TACR3: variants seen among roughly 807,000 people sequenced by gnomAD.
TACR3 encodes the protein neuromedin-K receptor.
TACR3 carries 34 observed loss-of-function variants against 35.0 expected under a neutral mutation model. The ratio of observed to expected loss-of-function variants is 0.97; its 90% CI spans 0.74 to 1.30. The LOEUF is 1.30. TACR3 is among the 50% of genes most tolerant of loss of function. The pLI is 0.00. For synonymous variants in TACR3, 233 were observed against 221.1 expected (o/e 1.05, Z -0.48); for missense variants, 558 against 591.7 (o/e 0.94, Z 0.59).
chr4:103,632,401 GGA>G (rs1725087600), intron 3 of TACR3, among the ~76,000 whole-genome samples: 1 of 152,104 alleles, frequency 6.6e-6, no homozygotes, highest in African/African-American at 2.4e-5. Flanking sequence ...GGTTGAAGCT[GGA>G]AGCCATCATG....
At chr4:103,713,365 T>G (rs1379479090) in intron 1 of TACR3, among the ~76,000 whole-genome samples, 2 of 150,506 alleles carry the variant, frequency 1.3e-5, no homozygotes, top group Non-Finnish European at 2.9e-5. Context: ...AGCGAACTAT[T>G]GCAATGACAA....
chr4:103,639,401 T>G (rs1427238101), intron 3 of TACR3, among the ~76,000 whole-genome samples: 6 of 150,800 alleles, frequency 4.0e-5, no homozygotes, highest in Non-Finnish European at 7.4e-5. Context: ...TGAGAACACA[T>G]GGACACAGGA....
At position 103,656,298 on chromosome 4, in the gene TACR3, T is replaced by C. The variant is rs1023821281; in HGVS notation, c.784A>G (p.Ile262Val). 3 of 1,612,692 alleles carry C rather than the reference T, an allele frequency of 1.9e-6. No individual in the cohort carries two copies. Among genetic ancestry groups the C allele is most frequent in the African/African-American group, 2.7e-5 (2 of 74,834 alleles). ...ACAATGGTGTATGTAATACCCATGATGAGCAATGGGAAACAGTACACCAGT... is the reference window on the plus strand; with the variant it reads ...ACAATGGTGTATGTAATACCCATGACGAGCAATGGGAAACAGTACACCAGT... Reference protein sequence around the residue: ...IILVYCFPLLIMGITYTIVGI... With the variant: ...IILVYCFPLLVMGITYTIVGI... The change falls in exon 3 of 5, where the codon ATC (isoleucine) becomes GTC (valine). Residue 262 changes from isoleucine to valine, a missense_variant. Coordinates refer to ENST00000304883, the MANE Select transcript of TACR3 (RefSeq NM_001059.3).
intron 3 of TACR3, among the ~76,000 whole-genome samples, chr4:103,598,153 T>A (rs1470559421): frequency 6.6e-6 from 1 of 152,200 alleles, no homozygotes; most frequent in Non-Finnish European, 1.5e-5. Flanking sequence ...TTCTAACTGG[T>A]GTGAGATGGT....
intron 3 of TACR3, among the ~76,000 whole-genome samples, chr4:103,653,323 A>T (rs1379547404): frequency 3.3e-5 from 5 of 152,036 alleles, no homozygotes; most frequent in African/African-American, 1.2e-4. Flanking sequence ...TAAAAAAAAA[A>T]TCCCTCTTCC....
intron 3 of TACR3, among the ~76,000 whole-genome samples, chr4:103,633,838 T>C (rs781150758): frequency 6.6e-6 from 1 of 152,146 alleles, no homozygotes; most frequent in Non-Finnish European, 1.5e-5. Context: ...GTTGCATTTG[T>C]TCTGTTTTAT....
chr4:103,636,141 G>C (rs1339488118), intron 3 of TACR3, among the ~76,000 whole-genome samples: 2 of 151,902 alleles, frequency 1.3e-5, no homozygotes, highest in Non-Finnish European at 2.9e-5. Flanking sequence ...ATTACTCTCA[G>C]TATGCTTTAG....
rs868326281 is a variant in TACR3 at position 103,591,684 on chromosome 4, C to T, written c.889-1G>A. On this transcript the variant is annotated splice_acceptor_variant, in intron 3 of 4. Transcript: ENST00000304883. LOFTEE classifies it high-confidence loss of function. ...CAACAATAATCATCATTTTGACAAC[C>T]TATAAAGAAAAAAAGTCATTTTTGA... The T allele has an allele frequency of 6.2e-7, 1 of 1,609,836 alleles. No individual in the cohort carries two copies. Among genetic ancestry groups the T allele is most frequent in the African/African-American group, 1.3e-5 (1 of 74,814 alleles).
At chr4:103,607,180 A>G (rs1724394978) in intron 3 of TACR3, among the ~76,000 whole-genome samples, 1 of 151,866 alleles carries the variant, frequency 6.6e-6, no homozygotes, top group Non-Finnish European at 1.5e-5. Context: ...GACTTAGCAA[A>G]TCATACTTAT....
chr4:103,709,584 AG>A (rs1722888763), intron 1 of TACR3, among the ~76,000 whole-genome samples: 1 of 152,220 alleles, frequency 6.6e-6, no homozygotes, highest in Non-Finnish European at 1.5e-5. Flanking sequence ...AATGCCAGGA[AG>A]AAACTGCATC....
At chr4:103,713,962 T>C (rs1479803392) in intron 1 of TACR3, among the ~76,000 whole-genome samples, 1 of 152,154 alleles carries the variant, frequency 6.6e-6, no homozygotes, top group Non-Finnish European at 1.5e-5. Flanking sequence ...GTCCACTGGA[T>C]TTCTCAGTGT....
chr4:103,701,081 T>A (rs1156905248), intron 1 of TACR3, among the ~76,000 whole-genome samples: 1 of 152,086 alleles, frequency 6.6e-6, no homozygotes, highest in Non-Finnish European at 1.5e-5. Context: ...ATAAAGGGTA[T>A]TCAATTAGGA....
intron 1 of TACR3, among the ~76,000 whole-genome samples, chr4:103,707,422 T>C (rs1244538852): frequency 6.6e-6 from 1 of 152,216 alleles, no homozygotes; most frequent in African/African-American, 2.4e-5. Context: ...TATATTGACG[T>C]ATTTTTTTCT....
chr4:103,594,139 C>A (rs1215858658), intron 3 of TACR3, among the ~76,000 whole-genome samples: 1 of 151,328 alleles, frequency 6.6e-6, no homozygotes, highest in African/African-American at 2.4e-5. Context: ...TTTCTGCTTT[C>A]AAGGCAAACA....
chr4:103,636,874 C>A (rs960540157), intron 3 of TACR3, among the ~76,000 whole-genome samples: 1 of 152,040 alleles, frequency 6.6e-6, no homozygotes, highest in Non-Finnish European at 1.5e-5. Context: ...TACATCCTCC[C>A]AATACTAAAC....
intron 3 of TACR3, among the ~76,000 whole-genome samples, chr4:103,638,837 A>C (rs1032785053): frequency 2.0e-4 from 31 of 152,184 alleles, no homozygotes; most frequent in African/African-American, 7.5e-4. Flanking sequence ...ACACATGAAA[A>C]AATGCTCATC....
chr4:103,645,290 A>C (rs1382479790), intron 3 of TACR3, among the ~76,000 whole-genome samples: 2 of 151,918 alleles, frequency 1.3e-5, no homozygotes, highest in Admixed American at 1.3e-4. Context: ...TATGATGTAA[A>C]TATTAAAACA....
Position 103,645,187 on chromosome 4 carries a change from GTGTACATAT to G in TACR3, c.888+10998_888+11006del, listed in dbSNP as rs761311411. Reference sequence around the variant, plus strand: ...CTGTCTCTTAGAAAAATGTGAAAATGTGTACATATTGTACATATTGTTATATTGATCACT... The same window carrying G: ...CTGTCTCTTAGAAAAATGTGAAAATGTGTACATATTGTTATATTGATCACT... On this transcript the variant is annotated intron_variant, in intron 3 of 4. Coordinates refer to ENST00000304883, the MANE Select transcript of TACR3 (RefSeq NM_001059.3). Among the ~76,000 whole-genome samples, 186 of 151,994 alleles carry G rather than the reference GTGTACATAT, an allele frequency of 1.2e-3. 1 individual carries two copies. The highest frequency in any genetic ancestry group is 1.2e-3 in the Non-Finnish European group (82 of 67,924).
intron 1 of TACR3, among the ~76,000 whole-genome samples, chr4:103,672,894 T>C (rs1726083781): frequency 6.6e-6 from 1 of 152,186 alleles, no homozygotes; most frequent in South Asian, 2.1e-4. Context: ...CTTAACTAGG[T>C]CCTTTAGATA....
Sources: allele counts gnomAD v4.1 joint callset (sites outside exome capture counted in the v4.1 genomes callset), GRCh38; gene constraint gnomAD v4.1.1; transcripts MANE v1.5; gene names NCBI Gene and HGNC (gene_info 2026-07-23, HGNC 2026-07-21).